The following EYA1 variants were observed in gnomAD, a reference collection of about 807,000 sequenced individuals.
EYA1 encodes the protein protein phosphatase EYA1.
A neutral mutation model predicts 82.0 loss-of-function variants in EYA1; 16 were observed. The observed-to-expected ratio is 0.20, with a 90% CI of 0.13 to 0.30. The LOEUF (loss-of-function observed/expected upper bound fraction) is 0.30. Ranked by LOEUF, EYA1 falls within the 10% of genes least tolerant of loss-of-function variation. EYA1 has a pLI of 1.00. For missense variants in EYA1, 633 were observed against 730.7 expected (o/e 0.87, Z 1.54); for synonymous variants, 261 against 264.4 (o/e 0.99, Z 0.12).
At chr8:71,351,332 A>C (rs1180046122) in intron 3 of EYA1, among the ~76,000 whole-genome samples, 1 of 152,196 alleles carries the variant, frequency 6.6e-6, no homozygotes, top group Non-Finnish European at 1.5e-5. Context: ...AATATGCATT[A>C]ATTCATTTGG....
At chr8:71,447,786 T>C (rs138382477) in intron 2 of EYA1, among the ~76,000 whole-genome samples, 2 of 152,272 alleles carry the variant, frequency 1.3e-5, no homozygotes, top group East Asian at 3.9e-4. Context: ...AATACTTTAT[T>C]TCTAAAAAGT....
chr8:71,400,692 G>A (rs1031416750), intron 2 of EYA1, among the ~76,000 whole-genome samples: 2 of 152,102 alleles, frequency 1.3e-5, no homozygotes, highest in African/African-American at 4.8e-5. Flanking sequence ...TTGGTGGGAA[G>A]GTAAATTAGT....
chr8:71,457,663 A>G (rs113415537), intron 2 of EYA1, among the ~76,000 whole-genome samples: 57 of 152,338 alleles, frequency 3.7e-4, no homozygotes, highest in African/African-American at 1.4e-3. Context: ...TCACAAGGAC[A>G]AAAAACCAAA....
chr8:71,475,231 T>C (rs1809562538), intron 2 of EYA1, among the ~76,000 whole-genome samples: 1 of 152,218 alleles, frequency 6.6e-6, no homozygotes, highest in Non-Finnish European at 1.5e-5. Flanking sequence ...TATATAATAG[T>C]GTGTGTAGCT....
At chr8:71,345,967 C>T (rs1485124403) in intron 3 of EYA1, among the ~76,000 whole-genome samples, 2 of 152,046 alleles carry the variant, frequency 1.3e-5, no homozygotes, top group African/African-American at 2.4e-5. Context: ...TCTGTGCATG[C>T]TCCTCATCTT....
chr8:71,499,860 T>C (rs1158683958), intron 2 of EYA1, among the ~76,000 whole-genome samples: 1 of 152,164 alleles, frequency 6.6e-6, no homozygotes, highest in Non-Finnish European at 1.5e-5. Context: ...TGGCTGCATA[T>C]GCCAGAAAGG....
intron 2 of EYA1, among the ~76,000 whole-genome samples, chr8:71,524,774 T>G (rs1224136186): frequency 1.3e-5 from 2 of 152,196 alleles, no homozygotes; most frequent in Non-Finnish European, 2.9e-5. Flanking sequence ...TACAATGATC[T>G]CTGGCATCCC....
intron 2 of EYA1, among the ~76,000 whole-genome samples, chr8:71,512,341 G>T (rs1451379651): frequency 6.7e-6 from 1 of 150,278 alleles, no homozygotes; most frequent in Non-Finnish European, 1.5e-5. Context: ...GAAAAGTTCA[G>T]AAAAAAGTTT....
intron 12 of EYA1, among the ~76,000 whole-genome samples, chr8:71,218,328 T>C (rs1319802492): frequency 1.3e-5 from 2 of 152,218 alleles, no homozygotes; most frequent in African/African-American, 4.8e-5. Flanking sequence ...TATATTTTTA[T>C]GTTGCCGGTC....
intron 9 of EYA1, among the ~76,000 whole-genome samples, chr8:71,294,471 C>CAAAA (rs137990057): frequency 1.0e-4 from 15 of 150,454 alleles, no homozygotes; most frequent in South Asian, 4.2e-4. Context: ...AACAAACAAA[C>CAAAA]AAAAAAAACA....
At chr8:71,223,637 C>T (rs1223310960) in intron 12 of EYA1, among the ~76,000 whole-genome samples, 9 of 152,184 alleles carry the variant, frequency 5.9e-5, no homozygotes, top group Non-Finnish European at 1.5e-5. Context: ...AATGCACATT[C>T]GCTCTTGGAA....
chr8:71,497,772 T>C (rs1331081242), intron 2 of EYA1, among the ~76,000 whole-genome samples: 1 of 152,184 alleles, frequency 6.6e-6, no homozygotes, highest in African/African-American at 2.4e-5. Flanking sequence ...TCCATGCTTA[T>C]TGCAGCATTA....
chr8:71,361,140 C>A lies in EYA1; in HGVS notation c.-55+507G>T, dbSNP rs143677707. The stretch of plus-strand genomic sequence containing the variant: ...TTTATTAAAGCAAAAATATTTTCTT[C>A]CTTAAAAAGTGCTATCAATTTAATG... On this transcript the variant is annotated intron_variant, in intron 1 of 17. Coordinates refer to ENST00000340726, the MANE Select transcript of EYA1 (RefSeq NM_000503.6). Among the ~76,000 whole-genome samples, 16 of 152,228 alleles carry A rather than the reference C, an allele frequency of 1.1e-4. No individual in the cohort carries two copies. In the East Asian group the frequency reaches 2.9e-3, roughly 28 times the overall value.
intron 2 of EYA1, among the ~76,000 whole-genome samples, chr8:71,483,358 T>C (rs138998592): frequency 6.6e-6 from 1 of 152,264 alleles, no homozygotes; most frequent in African/African-American, 2.4e-5. Context: ...AGCCCTCACT[T>C]TAGTATGTGC....
intron 2 of EYA1, among the ~76,000 whole-genome samples, chr8:71,454,137 C>G (rs1017010565): frequency 6.6e-6 from 1 of 152,132 alleles, no homozygotes; most frequent in Non-Finnish European, 1.5e-5. Flanking sequence ...TCTGATAAAA[C>G]AGACTTTAAA....
chr8:71,316,043 G>C (rs755060638), intron 7 of EYA1, among the ~76,000 whole-genome samples: 7 of 152,028 alleles, frequency 4.6e-5, no homozygotes, highest in Non-Finnish European at 8.8e-5. Context: ...AAAAGGCTAA[G>C]ATCTTTAATG....
chr8:71,327,160 G>A (rs1823255692), intron 4 of EYA1, among the ~76,000 whole-genome samples: 1 of 152,162 alleles, frequency 6.6e-6, no homozygotes, highest in Admixed American at 6.5e-5. Context: ...AAGAATGAAA[G>A]CTCCATGAGG....
intron 2 of EYA1, among the ~76,000 whole-genome samples, chr8:71,460,218 C>T (rs957636721): frequency 6.6e-6 from 1 of 152,154 alleles, no homozygotes; most frequent in African/African-American, 2.4e-5. Flanking sequence ...GTGCTCAAAT[C>T]ACCAAATGTG....
chr8:71,294,625 T>C (rs764171623), intron 9 of EYA1, among the ~76,000 whole-genome samples: 3 of 152,204 alleles, frequency 2.0e-5, no homozygotes, highest in Non-Finnish European at 4.4e-5. Flanking sequence ...ATTCCATGCA[T>C]ATGGATAGAT....
Sources: allele counts gnomAD v4.1 joint callset (sites outside exome capture counted in the v4.1 genomes callset), GRCh38; gene constraint gnomAD v4.1.1; transcripts MANE v1.5; gene names NCBI Gene and HGNC (gene_info 2026-07-23, HGNC 2026-07-21).